The following FYN variants were observed in gnomAD, a reference collection of about 807,000 sequenced individuals.
The protein encoded by FYN is tyrosine-protein kinase Fyn.
FYN carries 10 observed loss-of-function variants against 70.2 expected under a neutral mutation model. The observed-to-expected ratio is 0.14, with a 90% CI of 0.09 to 0.24. The LOEUF (loss-of-function observed/expected upper bound fraction) is 0.24, where lower values mean the gene tolerates loss of function less well. Ranked by LOEUF, FYN falls within the 10% of genes least tolerant of loss-of-function variation. The pLI is 1.00. For synonymous variants in FYN, 236 were observed against 248.6 expected (o/e 0.95, Z 0.48); for missense variants, 319 against 673.1 (o/e 0.47, Z 5.82).
At chr6:111,709,715 T>G (rs1800277308) in intron 5 of FYN, among the ~76,000 whole-genome samples, 1 of 152,210 alleles carries the variant, frequency 6.6e-6, no homozygotes, top group African/African-American at 2.4e-5. Context: ...AGGAAATATT[T>G]ATACATACTG....
intron 3 of FYN, among the ~76,000 whole-genome samples, chr6:111,775,758 G>T (rs1770908357): frequency 6.6e-6 from 1 of 152,288 alleles, no homozygotes; most frequent in African/African-American, 2.4e-5. Flanking sequence ...GATTCTACCA[G>T]TCTGGGGTAG....
chr6:111,838,844 C>T (rs1028131506), intron 2 of FYN, among the ~76,000 whole-genome samples: 5 of 152,204 alleles, frequency 3.3e-5, no homozygotes, highest in Admixed American at 6.5e-5. Flanking sequence ...ATGGAAACAA[C>T]TCATCCTGTT....
intron 2 of FYN, among the ~76,000 whole-genome samples, chr6:111,840,270 G>C (rs184097797): frequency 6.6e-6 from 1 of 152,324 alleles, no homozygotes; most frequent in African/African-American, 2.4e-5. Flanking sequence ...TTAAGGATTT[G>C]AGAGGAAGAG....
At chr6:111,698,465 C>T (rs1240307676) in intron 9 of FYN, among the ~76,000 whole-genome samples, 1 of 152,058 alleles carries the variant, frequency 6.6e-6, no homozygotes, top group Non-Finnish European at 1.5e-5. Flanking sequence ...CAGACCACAC[C>T]TAAAGATCTA....
intron 3 of FYN, among the ~76,000 whole-genome samples, chr6:111,757,884 A>G (rs1203706000): frequency 1.3e-5 from 2 of 152,208 alleles, no homozygotes; most frequent in African/African-American, 4.8e-5. Flanking sequence ...TCATGTTTTT[A>G]ACAGTCTTAG....
intron 2 of FYN, among the ~76,000 whole-genome samples, chr6:111,835,962 G>A (rs1366998967): frequency 6.6e-6 from 1 of 152,146 alleles, no homozygotes; most frequent in Non-Finnish European, 1.5e-5. Flanking sequence ...GCAGGTGGTG[G>A]CATACTGTAA....
intron 3 of FYN, among the ~76,000 whole-genome samples, chr6:111,751,507 T>G (rs936181979): frequency 2.0e-5 from 3 of 152,152 alleles, no homozygotes; most frequent in Non-Finnish European, 2.9e-5. Context: ...AGCATACTAT[T>G]TTATTAAGAG....
At chr6:111,662,766 C>T (rs553596077) in intron 13 of FYN, among the ~76,000 whole-genome samples, 16 of 152,354 alleles carry the variant, frequency 1.1e-4, no homozygotes, top group African/African-American at 3.6e-4. Context: ...GATCTGCCAT[C>T]ATGCCAGCGT....
intron 3 of FYN, among the ~76,000 whole-genome samples, chr6:111,744,674 G>A (rs1054596718): frequency 1.3e-5 from 2 of 152,106 alleles, no homozygotes; most frequent in Non-Finnish European, 2.9e-5. Context: ...TTTACTACAC[G>A]TCAGTTATCT....
intron 2 of FYN, among the ~76,000 whole-genome samples, chr6:111,818,225 G>A (rs768328090): frequency 1.3e-5 from 2 of 152,136 alleles, no homozygotes; most frequent in East Asian, 1.9e-4. Flanking sequence ...TGAGAGAAAC[G>A]AAGAGGGACC....
At chr6:111,756,509 A>C (rs1454065293) in intron 3 of FYN, among the ~76,000 whole-genome samples, 1 of 152,130 alleles carries the variant, frequency 6.6e-6, no homozygotes, top group African/African-American at 2.4e-5. Context: ...ACCAAATCCA[A>C]GATGGTAGGA....
chr6:111,681,553 T>C (rs1453149671), intron 12 of FYN, among the ~76,000 whole-genome samples: 1 of 152,218 alleles, frequency 6.6e-6, no homozygotes, highest in African/African-American at 2.4e-5. Flanking sequence ...CACACTTGTT[T>C]CTTTTACATT....
chr6:111,795,750 T>A lies in FYN; in HGVS notation c.-81-15115A>T, dbSNP rs372579723. 2.8e-4 allele frequency among the ~76,000 whole-genome samples: 43 copies of A among 152,318 alleles called. 1 individual carries two copies. In the South Asian group the frequency reaches 8.3e-3, roughly 29 times the overall value. ...TGCATATATTATCTCATTTTAGTCC[T>A]CACAGTAACCCTACGCAATAGGTCT... On this transcript the variant is annotated intron_variant, in intron 2 of 13. Transcript: ENST00000354650.
intron 2 of FYN, among the ~76,000 whole-genome samples, chr6:111,828,688 G>GTACC (rs1212330591): frequency 1.3e-5 from 2 of 152,194 alleles, no homozygotes; most frequent in Non-Finnish European, 2.9e-5. Context: ...CTTACATGAG[G>GTACC]TACCTAGAGG....
At chr6:111,715,559 T>C (rs1800597204) in intron 4 of FYN, among the ~76,000 whole-genome samples, 2 of 152,090 alleles carry the variant, frequency 1.3e-5, no homozygotes. Context: ...TCTAGCAGAC[T>C]CTCTCTATTG....
intron 3 of FYN, among the ~76,000 whole-genome samples, chr6:111,757,750 T>C (rs1240073642): frequency 6.6e-6 from 1 of 152,226 alleles, no homozygotes; most frequent in Non-Finnish European, 1.5e-5. Context: ...TTACTTCTGT[T>C]GAAATTTCAC....
At chr6:111,710,700 C>A (rs886656515) in intron 5 of FYN, among the ~76,000 whole-genome samples, 1 of 152,092 alleles carries the variant, frequency 6.6e-6, no homozygotes, top group African/African-American at 2.4e-5. Flanking sequence ...CATTGAGAGC[C>A]GTTGAGCGAG....
At chr6:111,674,041 G>A (rs919891749) in intron 13 of FYN, among the ~76,000 whole-genome samples, 1 of 152,216 alleles carries the variant, frequency 6.6e-6, no homozygotes, top group Non-Finnish European at 1.5e-5. Context: ...GTCCTGTGGA[G>A]AGAACAGGTC....
chr6:111,766,779 GCCCCT>G (rs1803244048), intron 3 of FYN, among the ~76,000 whole-genome samples: 1 of 152,128 alleles, frequency 6.6e-6, no homozygotes, highest in Non-Finnish European at 1.5e-5. Flanking sequence ...GGGGGTAACT[GCCCCT>G]AAGATTCAAT....
Sources: gnomAD v4.1 joint callset for allele counts (sites outside exome capture counted in the v4.1 genomes callset) on GRCh38, gnomAD v4.1.1 for gene constraint, MANE v1.5 for transcripts, NCBI Gene and HGNC (gene_info 2026-07-23, HGNC 2026-07-21) for gene names.